The following PCDHA3 variants were observed in gnomAD, a reference collection of about 807,000 sequenced individuals.
The protein encoded by PCDHA3 is protocadherin alpha-3.
Under a neutral mutation model 62.2 loss-of-function variants are expected in PCDHA3, and 41 were observed. That is an observed-to-expected ratio of 0.66 (90% CI 0.51 to 0.86). PCDHA3 has a LOEUF of 0.86. PCDHA3 is among the 40% of genes least tolerant of loss of function. PCDHA3 has a pLI of 0.00. For missense variants in PCDHA3, 1,304 were observed against 1,241.2 expected (o/e 1.05, Z -0.76); for synonymous variants, 640 against 555.4 (o/e 1.15, Z -2.14).
rs782733393 is a variant in PCDHA3 at position 140,875,889 on chromosome 5, G to A, written c.2394+72298G>A. The A allele has an allele frequency of 6.2e-6, 10 of 1,614,054 alleles. No homozygotes were observed. The South Asian group carries it at 8.8e-5, about 14-fold the overall frequency. On this transcript the variant is annotated intron_variant, in intron 1 of 3. Coordinates refer to ENST00000522353, the MANE Select transcript of PCDHA3 (RefSeq NM_018906.3). ...CGGTGTTCAGAGAAAGGGAACAAAA[G>A]GTACCTGTTTCTGAATCTGCGCCTC...
intron 1 of PCDHA3, chr5:140,828,626 G>C (rs1292534909): frequency 2.5e-6 from 4 of 1,613,974 alleles, no homozygotes; most frequent in East Asian, 4.5e-5. Flanking sequence ...CGAATACTTC[G>C]GGCTAGATGT....
intron 1 of PCDHA3, chr5:140,967,312 A>G (rs1554229425): frequency 5.0e-6 from 8 of 1,611,226 alleles, no homozygotes; most frequent in Admixed American, 1.7e-5. Context: ...CCAACTCAGT[A>G]CAGACCTACG....
Position 140,870,925 on chromosome 5 carries a change from T to C in PCDHA3, c.2394+67334T>C, listed in dbSNP as rs1554164841. 8 of 1,613,916 alleles carry C rather than the reference T, an allele frequency of 5.0e-6. No homozygotes were observed. In the Admixed American group the frequency reaches 8.3e-5, roughly 17 times the overall value. On this transcript the variant is annotated intron_variant, in intron 1 of 3. Transcript: ENST00000522353. Reference sequence around the variant, plus strand: ...CTCAGGCTACAACGCGTGGCTTTCATATGAATTGCAGCCGGCGGCGGGCGG... The same window carrying C: ...CTCAGGCTACAACGCGTGGCTTTCACATGAATTGCAGCCGGCGGCGGGCGG...
chr5:140,961,434 A>G (rs2095611315), intron 1 of PCDHA3, among the ~76,000 whole-genome samples: 1 of 152,174 alleles, frequency 6.6e-6, no homozygotes, highest in African/African-American at 2.4e-5. Context: ...TTACAAAATC[A>G]CCTAACTACA....
intron 1 of PCDHA3, among the ~76,000 whole-genome samples, chr5:140,839,640 TC>T (rs1776343463): frequency 6.6e-6 from 1 of 152,096 alleles, no homozygotes; most frequent in Admixed American, 6.5e-5. Flanking sequence ...AATACTATTT[TC>T]TTTACAAATT....
Position 140,833,148 on chromosome 5 carries a change from T to C in PCDHA3, c.2394+29557T>C, listed in dbSNP as rs145941830. On this transcript the variant is annotated intron_variant, in intron 1 of 3. Coordinates refer to ENST00000522353, the MANE Select transcript of PCDHA3 (RefSeq NM_018906.3). The stretch of plus-strand genomic sequence containing the variant: ...AAAGCTGTCAAAAAGTGTGAAGCAA[T>C]ACGAATAAAAAGTATTAACGGAAGA... 2.6e-4 allele frequency among the ~76,000 whole-genome samples: 39 copies of C among 152,250 alleles called. No individual in the cohort carries two copies. The East Asian group carries it at 6.2e-3, about 24-fold the overall frequency.
chr5:140,850,457 C>A lies in PCDHA3; in HGVS notation c.2394+46866C>A. ...GCCTACTGGTGCTGGTGAAAGACCA[C>A]GGGGAGCCAGCGCTGACGGCCACGG... On this transcript the variant is annotated intron_variant, in intron 1 of 3. Transcript: ENST00000522353. The A allele has an allele frequency of 3.1e-6, 5 of 1,597,798 alleles. 1 individual carries two copies. Among genetic ancestry groups the A allele is most frequent in the Non-Finnish European group, 4.3e-6 (5 of 1,167,620 alleles).
chr5:140,828,261 C>A lies in PCDHA3; in HGVS notation c.2394+24670C>A, dbSNP rs2150153228. 14 of 1,613,826 alleles carry A rather than the reference C, an allele frequency of 8.7e-6. No individual in the cohort carries two copies. In the African/African-American group the frequency reaches 1.5e-4, roughly 17 times the overall value. ...GCGCAGGACCTGGGGCTGGAGCTGGCGGAGCTGGTGCCGCGCCTGTTCAGG... is the reference window on the plus strand; with the variant it reads ...GCGCAGGACCTGGGGCTGGAGCTGGAGGAGCTGGTGCCGCGCCTGTTCAGG... On this transcript the variant is annotated intron_variant, in intron 1 of 3. Transcript: ENST00000522353.
chr5:140,806,196 T>C (rs782375652), intron 1 of PCDHA3, among the ~76,000 whole-genome samples: 38 of 152,154 alleles, frequency 2.5e-4, no homozygotes, highest in Non-Finnish European at 4.7e-4. Flanking sequence ...AGAAATGATG[T>C]GGATTACTTA....
intron 1 of PCDHA3, chr5:140,816,333 A>C (rs2126670713): frequency 6.6e-6 from 1 of 152,168 alleles, no homozygotes; most frequent in Non-Finnish European, 1.5e-5. Flanking sequence ...TGTATTCTTC[A>C]GTTCCAAAAT....
chr5:140,875,356 G>A (rs2055432006), intron 1 of PCDHA3: 4 of 1,446,352 alleles, frequency 2.8e-6, no homozygotes, highest in East Asian at 2.5e-5. Context: ...TGACTGTGAT[G>A]CTGGAAAAAA....
rs2098416049 is a variant in PCDHA3, at chr5:141,010,101, T to G, written c.*164T>G. The G allele has an allele frequency of 6.2e-6, 10 of 1,612,488 alleles. No homozygotes were observed. Among genetic ancestry groups the G allele is most frequent in the Non-Finnish European group, 8.5e-6 (10 of 1,179,154 alleles). ...GTCTGTCTAGAACGCATTTAACAGG[T>G]TTTGTCGTAAAAGCTTTACTAAGTC... On this transcript the variant is annotated 3_prime_UTR_variant, in exon 4 of 4. Transcript: ENST00000522353.
intron 1 of PCDHA3, among the ~76,000 whole-genome samples, chr5:140,938,521 T>C (rs2092100005): frequency 6.6e-6 from 1 of 150,974 alleles, no homozygotes; most frequent in African/African-American, 2.4e-5. Context: ...TTTTCTGTTA[T>C]TGAATGGATA....
At chr5:140,967,282 GC>G in intron 1 of PCDHA3, 1 of 1,613,078 alleles carries the variant, frequency 6.2e-7, no homozygotes, top group Non-Finnish European at 8.5e-7. Flanking sequence ...TAGAGAGTGC[GC>G]AGGACCCCGA....
chr5:140,836,027 C>A lies in PCDHA3; in HGVS notation c.2394+32436C>A. On this transcript the variant is annotated intron_variant, in intron 1 of 3. Coordinates refer to ENST00000522353, the MANE Select transcript of PCDHA3 (RefSeq NM_018906.3). ...CGGGCGTGCCGCCTCTGGGCAGCAA[C>A]GTGACGCTGCAGGTGTTCGTGCTGG... The A allele has an allele frequency of 1.9e-6, 3 of 1,613,456 alleles. No individual in the cohort carries two copies. The highest frequency in any genetic ancestry group is 1.3e-5 in the African/African-American group (1 of 75,020).
intron 1 of PCDHA3, chr5:140,857,132 G>C: frequency 6.3e-7 from 1 of 1,598,262 alleles, no homozygotes; most frequent in Non-Finnish European, 8.6e-7. Flanking sequence ...GAAAGAAGAT[G>C]CTCAAGTGGG....
intron 1 of PCDHA3, among the ~76,000 whole-genome samples, chr5:140,826,339 AC>A (rs1178030684): frequency 1.3e-5 from 2 of 152,118 alleles, no homozygotes; most frequent in Non-Finnish European, 1.5e-5. Context: ...AAGAAATTGA[AC>A]CCTTTGTTTG....
chr5:140,840,163 A>T (rs2150304163), intron 1 of PCDHA3, among the ~76,000 whole-genome samples: 1 of 152,162 alleles, frequency 6.6e-6, no homozygotes, highest in African/African-American at 2.4e-5. Context: ...GAGAGATGGG[A>T]TGTATACAAA....
chr5:140,869,663 A>G (rs782419090), intron 1 of PCDHA3: 5 of 1,613,538 alleles, frequency 3.1e-6, no homozygotes, highest in Non-Finnish European at 4.2e-6. Flanking sequence ...ACAAATGGTA[A>G]GCAGATTAAA....
Sources: gnomAD v4.1 joint callset for allele counts (sites outside exome capture counted in the v4.1 genomes callset) on GRCh38, gnomAD v4.1.1 for gene constraint, MANE v1.5 for transcripts, NCBI Gene and HGNC (gene_info 2026-07-23, HGNC 2026-07-21) for gene names.